EXPH5: variants seen among roughly 807,000 people sequenced by gnomAD.
EXPH5 encodes the protein exophilin 5, also known as exophilin-5.
A neutral mutation model predicts 41.1 loss-of-function variants in EXPH5; 42 were observed. The observed-to-expected ratio is 1.02, with a 90% CI of 0.80 to 1.32. The LOEUF (loss-of-function observed/expected upper bound fraction) is 1.32. Among genes scored for constraint, EXPH5 ranks in the 40% most tolerant of loss-of-function variants. EXPH5 has a pLI of 0.00. For missense variants in EXPH5, 2,298 were observed against 2,314.5 expected, an observed-to-expected ratio of 0.99 and a Z score of 0.15; for synonymous variants, 798 against 833.5, an observed-to-expected ratio of 0.96 and a Z score of 0.73.
intron 5 of EXPH5, among the ~76,000 whole-genome samples, chr11:108,515,964 C>T (rs951278961): frequency 6.7e-6 from 1 of 148,492 alleles, no homozygotes; most frequent in African/African-American, 2.5e-5. Context: ...CTCAGCTACT[C>T]GGGAGGCTGA....
chr11:108,550,836 T>C (rs2093960838), intron 1 of EXPH5, among the ~76,000 whole-genome samples: 1 of 152,020 alleles, frequency 6.6e-6, no homozygotes, highest in Non-Finnish European at 1.5e-5. Context: ...TGGTTCGTTA[T>C]GTACAAATTG....
chr11:108,575,228 A>G (rs1365114574), intron 1 of EXPH5, among the ~76,000 whole-genome samples: 1 of 152,248 alleles, frequency 6.6e-6, no homozygotes, highest in Non-Finnish European at 1.5e-5. Context: ...AAATTGGCAA[A>G]GAGTTTTAAA....
rs373869172 is a variant in EXPH5, at chr11:108,591,066, C to G, written c.119+2352G>C. Among the ~76,000 whole-genome samples, 410 of 152,290 alleles carry G rather than the reference C, an allele frequency of 2.7e-3. 1 individual carries two copies. Among genetic ancestry groups the G allele is most frequent in the African/African-American group, 9.5e-3 (396 of 41,556 alleles). On this transcript the variant is annotated intron_variant, in intron 1 of 5. Transcript: ENST00000265843. ...CCAACCTGCTAAATTTCTAAACTTCCCCATTTGGACCCTTATTGTTCTAGT... is the reference window on the plus strand; with the variant it reads ...CCAACCTGCTAAATTTCTAAACTTCGCCATTTGGACCCTTATTGTTCTAGT...
At chr11:108,588,568 A>G (rs2136125391) in intron 1 of EXPH5, among the ~76,000 whole-genome samples, 1 of 152,340 alleles carries the variant, frequency 6.6e-6, no homozygotes, top group East Asian at 1.9e-4. Context: ...GAATGGAGAT[A>G]AAGATATCCC....
intron 1 of EXPH5, among the ~76,000 whole-genome samples, chr11:108,579,328 T>C (rs1272828736): frequency 1.3e-5 from 2 of 152,154 alleles, no homozygotes; most frequent in Non-Finnish European, 2.9e-5. Flanking sequence ...TTAACTTGCA[T>C]ATGTTGAACC....
chr11:108,573,198 A>AAG (rs1456627760), intron 1 of EXPH5, among the ~76,000 whole-genome samples: 3,667 of 107,304 alleles, frequency 0.034, 99 homozygotes, highest in East Asian at 0.15. Flanking sequence ...GAAAGAAAGA[A>AAG]AAAGAAAGAA....
chr11:108,550,329 A>T (rs1022578229), intron 1 of EXPH5, among the ~76,000 whole-genome samples: 2 of 152,200 alleles, frequency 1.3e-5, no homozygotes, highest in Non-Finnish European at 2.9e-5. Flanking sequence ...ACTACCCAAC[A>T]TGTGGGTGAA....
chr11:108,570,452 AT>A (rs780289676), intron 1 of EXPH5, among the ~76,000 whole-genome samples: 5 of 151,902 alleles, frequency 3.3e-5, no homozygotes, highest in Non-Finnish European at 7.4e-5. Flanking sequence ...ATGGGGTTTC[AT>A]TATGTTGGCC....
At chr11:108,557,293 A>G (rs2093994240) in intron 1 of EXPH5, among the ~76,000 whole-genome samples, 1 of 152,138 alleles carries the variant, frequency 6.6e-6, no homozygotes, top group African/African-American at 2.4e-5. Context: ...CAATGTCCTC[A>G]TGCTTGTAGA....
chr11:108,576,422 T>C (rs1177916051), intron 1 of EXPH5, among the ~76,000 whole-genome samples: 1 of 152,158 alleles, frequency 6.6e-6, no homozygotes, highest in Non-Finnish European at 1.5e-5. Context: ...AACTGTTTAA[T>C]GGGTTCTATT....
chr11:108,594,614 A>T (rs971024083), upstream of EXPH5, among the ~76,000 whole-genome samples: 6 of 152,202 alleles, frequency 3.9e-5, no homozygotes, highest in Non-Finnish European at 7.3e-5. Context: ...AGGCTTTTAC[A>T]GAAAACATGT....
chr11:108,515,386 T>A (rs2093717855), intron 5 of EXPH5, among the ~76,000 whole-genome samples: 1 of 150,934 alleles, frequency 6.6e-6, no homozygotes, highest in African/African-American at 2.5e-5. Context: ...AGCATATGAT[T>A]TCTAGGTTGT....
chr11:108,518,627 T>G (rs1460921680), intron 4 of EXPH5, among the ~76,000 whole-genome samples: 2 of 152,198 alleles, frequency 1.3e-5, no homozygotes, highest in African/African-American at 2.4e-5. Flanking sequence ...TCTGCCAAGT[T>G]TCCTACGAAC....
At chr11:108,524,193 C>T (rs2093782899) in intron 4 of EXPH5, among the ~76,000 whole-genome samples, 3 of 152,196 alleles carry the variant, frequency 2.0e-5, no homozygotes, top group Admixed American at 2.0e-4. Flanking sequence ...CCTGGCTCTG[C>T]CCATTAATAT....
chr11:108,554,356 C>A (rs1264101803), intron 1 of EXPH5, among the ~76,000 whole-genome samples: 1 of 152,120 alleles, frequency 6.6e-6, no homozygotes, highest in African/African-American at 2.4e-5. Context: ...TGCCCAGCCG[C>A]CCTGAACTTT....
chr11:108,522,194 T>A (rs188604430), intron 4 of EXPH5, among the ~76,000 whole-genome samples: 1 of 151,704 alleles, frequency 6.6e-6, no homozygotes, highest in South Asian at 2.1e-4. Context: ...TTAGTGATTT[T>A]TTTTTTTTTT....
Position 108,569,273 on chromosome 11 carries a change from G to A in EXPH5, c.119+24145C>T, listed in dbSNP as rs577279627. 5.3e-5 allele frequency among the ~76,000 whole-genome samples: 8 copies of A among 151,698 alleles called. No individual in the cohort carries two copies. In the South Asian group the frequency reaches 1.2e-3, roughly 24 times the overall value. ...CCCATGAAGTTAAATTACCTCTGCG[G>A]CCCTCTGTGTGACTATCTTATCATT... On this transcript the variant is annotated intron_variant, in intron 1 of 5. Coordinates refer to ENST00000265843, the MANE Select transcript of EXPH5 (RefSeq NM_015065.3).
In EXPH5 at chr11:108,529,561, C is replaced by A. The variant is rs556139915; in HGVS notation, c.444-1377G>T. 1.6e-4 allele frequency among the ~76,000 whole-genome samples: 24 copies of A among 152,282 alleles called. No individual in the cohort carries two copies. The South Asian group carries it at 5.0e-3, about 32-fold the overall frequency. ...CTGTCTGAATTCATGATTTAATAGA[C>A]TGTCCAGGTGTGGTGGCTCCTGCCT... On this transcript the variant is annotated intron_variant, in intron 3 of 5. Coordinates refer to ENST00000265843, the MANE Select transcript of EXPH5 (RefSeq NM_015065.3).
intron 1 of EXPH5, among the ~76,000 whole-genome samples, chr11:108,571,234 T>C (rs1236120804): frequency 6.6e-6 from 1 of 152,178 alleles, no homozygotes; most frequent in South Asian, 2.1e-4. Flanking sequence ...GCAAAGCAAT[T>C]ACACAACCGT....
Sources: gnomAD v4.1 joint callset for allele counts (sites outside exome capture counted in the v4.1 genomes callset) on GRCh38, gnomAD v4.1.1 for gene constraint, MANE v1.5 for transcripts, NCBI Gene and HGNC (gene_info 2026-07-23, HGNC 2026-07-21) for gene names.